C10orf67: variants seen among roughly 807,000 people sequenced by gnomAD.
C10orf67 encodes uncharacterized protein C10orf67, mitochondrial.
C10orf67 carries 60 observed loss-of-function variants against 35.6 expected under a neutral mutation model. The ratio of observed to expected loss-of-function variants is 1.68; its 90% CI spans 1.37 to 2.09. The LOEUF (loss-of-function observed/expected upper bound fraction) is 2.09. Ranked by LOEUF, C10orf67 falls within the 30% of genes most tolerant of loss-of-function variation. The pLI, the probability that C10orf67 is intolerant of heterozygous loss-of-function variation, is 0.00. For missense variants in C10orf67, 474 were observed against 330.2 expected, an observed-to-expected ratio of 1.44 and a Z score of -3.38; for synonymous variants, 167 against 115.8, an observed-to-expected ratio of 1.44 and a Z score of -2.84.
chr10:23,319,501 A>T (rs530990109), intron 4 of C10orf67, among the ~76,000 whole-genome samples: 1 of 152,248 alleles, frequency 6.6e-6, no homozygotes, highest in South Asian at 2.1e-4. Flanking sequence ...AGAATGATTT[A>T]TCTTTCTTTG....
chr10:23,336,109 G>A (rs1183329886), intron 1 of C10orf67, among the ~76,000 whole-genome samples: 2 of 152,214 alleles, frequency 1.3e-5, no homozygotes, highest in African/African-American at 4.8e-5. Flanking sequence ...CAGCAGCACA[G>A]AGGTGGCAGA....
chr10:23,208,074 T>C (rs1841205614), intron 15 of C10orf67, among the ~76,000 whole-genome samples: 2 of 152,202 alleles, frequency 1.3e-5, no homozygotes, highest in South Asian at 2.1e-4. Context: ...CGTTAGGTAG[T>C]TGTCTCTAAA....
At chr10:23,308,475 T>A (rs1844371690) in intron 4 of C10orf67, among the ~76,000 whole-genome samples, 1 of 152,194 alleles carries the variant, frequency 6.6e-6, no homozygotes, top group African/African-American at 2.4e-5. Context: ...CAGCATCTCA[T>A]GCCAGTCTTC....
intron 2 of C10orf67, among the ~76,000 whole-genome samples, chr10:23,330,739 C>CA (rs10681378): frequency 0.52 from 71,167 of 135,642 alleles, 18,420 homozygotes; most frequent in Non-Finnish European, 0.59. Flanking sequence ...GACTCTGTCT[C>CA]AAAAAAAAAA....
chr10:23,288,728 T>A (rs1222719053), intron 7 of C10orf67, among the ~76,000 whole-genome samples: 1 of 152,188 alleles, frequency 6.6e-6, no homozygotes, highest in Non-Finnish European at 1.5e-5. Context: ...AGTGCAACTG[T>A]GAAACTGAAT....
intron 4 of C10orf67, among the ~76,000 whole-genome samples, chr10:23,311,853 C>T (rs1214115148): frequency 1.3e-5 from 2 of 152,144 alleles, no homozygotes; most frequent in Non-Finnish European, 2.9e-5. Context: ...TTGGTGCCAT[C>T]ATTCTCATTA....
chr10:23,210,978 A>T (rs953686347), intron 15 of C10orf67, among the ~76,000 whole-genome samples: 6 of 152,224 alleles, frequency 3.9e-5, no homozygotes, highest in African/African-American at 1.4e-4. Context: ...AATAGTGGGT[A>T]TCAATTATTT....
chr10:23,326,956 G>C (rs1296730049), intron 2 of C10orf67, among the ~76,000 whole-genome samples: 1 of 151,926 alleles, frequency 6.6e-6, no homozygotes, highest in Non-Finnish European at 1.5e-5. Flanking sequence ...AAAAATATTA[G>C]GAGAAAACAA....
At chr10:23,301,299 C>T (rs988247604) in intron 5 of C10orf67, among the ~76,000 whole-genome samples, 3 of 152,150 alleles carry the variant, frequency 2.0e-5, no homozygotes, top group Admixed American at 6.5e-5. Context: ...TGGAAGCTGG[C>T]TCCAGGCAGA....
At chr10:23,229,135 G>T (rs765583191) in intron 13 of C10orf67, among the ~76,000 whole-genome samples, 10 of 151,900 alleles carry the variant, frequency 6.6e-5, no homozygotes, top group South Asian at 2.1e-4. Flanking sequence ...ACATGCACAC[G>T]TATGTTCACT....
At chr10:23,333,603 G>A (rs941195299) in intron 1 of C10orf67, among the ~76,000 whole-genome samples, 18 of 152,182 alleles carry the variant, frequency 1.2e-4, no homozygotes, top group African/African-American at 4.1e-4. Flanking sequence ...GAAAATCTGT[G>A]AGATCAAATT....
chr10:23,336,917 A>T (rs1845708020), intron 1 of C10orf67, among the ~76,000 whole-genome samples: 1 of 152,234 alleles, frequency 6.6e-6, no homozygotes. Flanking sequence ...AATTATAGAA[A>T]GCAAAAGTAT....
chr10:23,340,569 G>C (rs1380551604), intron 1 of C10orf67, among the ~76,000 whole-genome samples: 1 of 152,078 alleles, frequency 6.6e-6, no homozygotes, highest in African/African-American at 2.4e-5. Context: ...ATGACTCTCC[G>C]ATTTCACCAG....
intron 10 of C10orf67, among the ~76,000 whole-genome samples, chr10:23,257,593 G>C (rs985198986): frequency 1.3e-5 from 2 of 152,204 alleles, no homozygotes; most frequent in Non-Finnish European, 2.9e-5. Context: ...CCTTGAGCTC[G>C]GGAGTTCGAG....
At chr10:23,266,208 G>A (rs1265575697) in intron 10 of C10orf67, 54 bp downstream of exon 10, 1 of 397,952 alleles carries the variant, frequency 2.5e-6, no homozygotes, top group Non-Finnish European at 4.4e-6. Flanking sequence ...AAAGAGACAG[G>A]AGTCCCTGTG....
chr10:23,289,950 G>T lies in C10orf67; in HGVS notation c.859C>A (p.Leu287Ile). The change falls in exon 7 of 16, where the codon CTT becomes ATT. Residue 287 changes from leucine (L) to isoleucine (I), a missense_variant. Transcript: ENST00000636213. Reference protein sequence around the residue: ...LKENSGLEDELISMKEMAEKD... With the variant: ...LKENSGLEDEIISMKEMAEKD... Reference sequence around the variant, plus strand: ...TCTGCCATCTCTTTCATACTTATAAGTTCATCTTCTGTAAACAAAAGGAGA... The same window carrying T: ...TCTGCCATCTCTTTCATACTTATAATTTCATCTTCTGTAAACAAAAGGAGA... The T allele has an allele frequency of 1.4e-6, 1 of 716,934 alleles. No homozygotes were observed. The highest frequency in any genetic ancestry group is 1.5e-5 in the South Asian group (1 of 67,400). The allele number at this position is 716,934 out of a possible 1,614,324, so 44.4% of individuals were successfully genotyped here.
intron 4 of C10orf67, among the ~76,000 whole-genome samples, chr10:23,315,137 G>GC (rs933570336): frequency 3.3e-5 from 5 of 152,164 alleles, no homozygotes; most frequent in African/African-American, 1.2e-4. Flanking sequence ...ATGCCAACAA[G>GC]CCAAAGCAAA....
intron 10 of C10orf67, among the ~76,000 whole-genome samples, chr10:23,261,341 C>T (rs772378656): frequency 1.3e-5 from 2 of 152,204 alleles, no homozygotes; most frequent in Non-Finnish European, 2.9e-5. Context: ...GAAACAGGAT[C>T]TAGCTTTATT....
At chr10:23,242,322 T>C (rs1588608905) in intron 12 of C10orf67, among the ~76,000 whole-genome samples, 1 of 152,172 alleles carries the variant, frequency 6.6e-6, no homozygotes, top group East Asian at 1.9e-4. Flanking sequence ...AACCCTATAC[T>C]TGGCAAAAAC....
Sources: allele counts gnomAD v4.1 joint callset (sites outside exome capture counted in the v4.1 genomes callset), GRCh38; gene constraint gnomAD v4.1.1; transcripts MANE v1.5; gene names NCBI Gene and HGNC (gene_info 2026-07-23, HGNC 2026-07-21).